Variants in SERPINE3 observed in about 807,000 individuals in gnomAD.
SERPINE3 encodes the protein serpin E3.
SERPINE3 carries 43 observed loss-of-function variants against 41.7 expected under a neutral mutation model. The observed-to-expected ratio is 1.03, with a 90% confidence interval of 0.81 to 1.33. The LOEUF is 1.33. Ranked by LOEUF, SERPINE3 falls within the 40% of genes most tolerant of loss-of-function variation. SERPINE3 has a pLI of 0.00. For missense variants in SERPINE3, 440 were observed against 491.7 expected (o/e 0.89, Z 0.99); for synonymous variants, 200 against 192.2 (o/e 1.04, Z -0.34).
chr13:51,357,519 G>A (rs1419538468), intron 7 of SERPINE3, among the ~76,000 whole-genome samples: 18 of 151,994 alleles, frequency 1.2e-4, no homozygotes, highest in Admixed American at 1.1e-3. Flanking sequence ...TGGCCTTTCG[G>A]TCCCAAAGCC....
chr13:51,347,002 C>G (rs1214180794), intron 4 of SERPINE3, 23 bp from the exon 5 acceptor site: 10 of 1,542,676 alleles, frequency 6.5e-6, no homozygotes, highest in Admixed American at 3.9e-5. Context: ...TAACCCATGG[C>G]CACCTTGCTT....
intron 6 of SERPINE3, among the ~76,000 whole-genome samples, chr13:51,353,402 C>A (rs12853862): frequency 0.19 from 29,014 of 152,014 alleles, 2,930 homozygotes; most frequent in East Asian, 0.27. Flanking sequence ...CTTTACAACC[C>A]TACAAACACG....
chr13:51,343,307 C>A (rs1431295761), intron 3 of SERPINE3, among the ~76,000 whole-genome samples: 1 of 152,184 alleles, frequency 6.6e-6, no homozygotes, highest in Non-Finnish European at 1.5e-5. Context: ...GGGGGCTTCA[C>A]TTCTGGAAAC....
intron 3 of SERPINE3, 68 bp downstream of exon 3, chr13:51,341,415 C>A: frequency 7.1e-7 from 1 of 1,416,116 alleles, no homozygotes; most frequent in Non-Finnish European, 9.6e-7. Flanking sequence ...TCCAGCTCAC[C>A]CTCCTGCTCA....
chr13:51,348,252 T>A lies in SERPINE3; in HGVS notation c.740T>A (p.Leu247Gln), dbSNP rs745866234. The A allele has an allele frequency of 6.2e-7, 1 of 1,604,964 alleles. No individual in the cohort carries two copies. The highest frequency in any genetic ancestry group is 1.7e-5 in the Admixed American group (1 of 59,008). The change falls in exon 6 of 10, where the codon CTG (leucine) becomes CAG (glutamine). Residue 247 changes from leucine (L) to glutamine (Q), a missense_variant. By Grantham distance (113) the Leu-to-Gln change is moderately radical (BLOSUM62 -2). Coordinates refer to ENST00000681248, the MANE Select transcript of SERPINE3 (RefSeq NM_001386375.1). The stretch of plus-strand genomic sequence containing the variant: ...ACTGCAGGCCATCAGGTGGGGGTGC[T>A]GGAGCTTCCTTACCTGGGAAGTGCA... ...QDTAGHQVGV[L>Q]ELPYLGSAVS...
rs369934291 is a variant in SERPINE3 at position 51,361,288 on chromosome 13, C to G, written c.1011C>G (p.Gly337=). 212 of 1,608,268 alleles carry G rather than the reference C, an allele frequency of 1.3e-4. No homozygotes were observed. The highest frequency in any genetic ancestry group is 1.7e-4 in the Non-Finnish European group (204 of 1,176,548). The part of the protein sequence containing the change: ...ANLKGISGQD[G]FYVSEAIHKA... The stretch of plus-strand genomic sequence containing the variant: ...ATTTTCTGTGGTTAGGCCAAGATGG[C>G]TTTTATGTTTCTGAAGCAATCCACA... Residue 337 remains glycine (G), a synonymous_variant, in exon 8 of 10, where the codon GGC becomes GGG. Transcript: ENST00000681248.
intron 8 of SERPINE3, chr13:51,361,582 T>G: frequency 1.7e-6 from 1 of 583,882 alleles, no homozygotes; most frequent in South Asian, 2.4e-5. Context: ...GAAAGTTACC[T>G]TCAATAAGGA....
chr13:51,349,972 A>G (rs953609211), intron 6 of SERPINE3, among the ~76,000 whole-genome samples: 20 of 152,224 alleles, frequency 1.3e-4, no homozygotes, highest in African/African-American at 4.6e-4. Flanking sequence ...CAAAACAAAA[A>G]AAGTAAAAAC....
chr13:51,348,302 C>G lies in SERPINE3; in HGVS notation c.790C>G (p.Arg264Gly), dbSNP rs771084357. ...AGTGAGTCTGTTCCTGGTGCTGCCC[C>G]GTGACAAAGACACCCCCCTGAGCCA... Reference protein sequence around the residue: ...SAVSLFLVLPRDKDTPLSHIE... With the variant: ...SAVSLFLVLPGDKDTPLSHIE... Residue 264 changes from arginine to glycine, a missense_variant, in exon 6 of 10, where the codon CGT (arginine) becomes GGT (glycine). Arg to Gly is a moderately radical substitution (Grantham distance 125, BLOSUM62 -2). Transcript: ENST00000681248. The G allele has an allele frequency of 6.2e-7, 1 of 1,612,898 alleles. No individual in the cohort carries two copies. Among genetic ancestry groups the G allele is most frequent in the African/African-American group, 1.3e-5 (1 of 74,858 alleles).
chr13:51,340,745 T>C, intron 1 of SERPINE3, 39 bp from the exon 2 acceptor site: 1 of 333,540 alleles, frequency 3.0e-6, no homozygotes. Flanking sequence ...CTCTTACATT[T>C]CTTTTCCCAA....
intron 3 of SERPINE3, among the ~76,000 whole-genome samples, chr13:51,343,033 T>C (rs1955309776): frequency 6.6e-6 from 1 of 152,138 alleles, no homozygotes; most frequent in Admixed American, 6.5e-5. Context: ...CTGGGGACCC[T>C]GGCCAGGGTG....
chr13:51,349,955 T>A (rs182263407), intron 6 of SERPINE3, among the ~76,000 whole-genome samples: 1 of 152,178 alleles, frequency 6.6e-6, no homozygotes, highest in Admixed American at 6.5e-5. Context: ...TTAAATCCTT[T>A]GGGGAACAAA....
chr13:51,355,159 C>T lies in SERPINE3; in HGVS notation c.1000+16C>T. On this transcript the variant is annotated intron_variant, in intron 7 of 9. Transcript: ENST00000681248. Reference sequence around the variant, plus strand: ...GGAATTTCAGGTAAAAACGGTTCTTCTTCCAAACGTTCTAGCCGTGTATTT... The same window carrying T: ...GGAATTTCAGGTAAAAACGGTTCTTTTTCCAAACGTTCTAGCCGTGTATTT... The T allele has an allele frequency of 4.6e-6, 6 of 1,308,398 alleles. No individual in the cohort carries two copies. Among genetic ancestry groups the T allele is most frequent in the Non-Finnish European group, 6.5e-6 (6 of 926,252 alleles). 81.0% of individuals were successfully genotyped at this position (1,308,398 alleles called of 1,614,324 possible).
At chr13:51,350,350 C>A (rs931429834) in intron 6 of SERPINE3, among the ~76,000 whole-genome samples, 2 of 152,074 alleles carry the variant, frequency 1.3e-5, no homozygotes, top group Admixed American at 1.3e-4. Context: ...AAGGAATAAT[C>A]AAGAAAACCA....
rs1261703848 is a variant in SERPINE3 at position 51,364,727 on chromosome 13, G to C, written c.*445G>C. The C allele has an allele frequency of 6.5e-6, 1 of 153,426 alleles. No homozygotes were observed. The highest frequency in any genetic ancestry group is 6.6e-5 in the Admixed American group (1 of 15,260). The allele number at this position is 153,426 out of a possible 1,614,324, so 9.5% of individuals were successfully genotyped here. ...AGCTTATAAATAAAACAGAGTTTAA[G>C]TGTGAGAACAGCAGAGCAGAACAAG... On this transcript the variant is annotated 3_prime_UTR_variant, in exon 10 of 10. Coordinates refer to ENST00000681248, the MANE Select transcript of SERPINE3 (RefSeq NM_001386375.1).
At chr13:51,351,150 T>C (rs1442759211) in intron 6 of SERPINE3, among the ~76,000 whole-genome samples, 1 of 152,194 alleles carries the variant, frequency 6.6e-6, no homozygotes, top group Non-Finnish European at 1.5e-5. Flanking sequence ...TTTTCAATTA[T>C]CTTGGATATA....
rs771084357 is a variant in SERPINE3 at position 51,348,302 on chromosome 13, C to T, written c.790C>T (p.Arg264Cys). 19 of 1,612,900 alleles carry T rather than the reference C, an allele frequency of 1.2e-5. No individual in the cohort carries two copies. The highest frequency in any genetic ancestry group is 3.3e-4 in the Middle Eastern group (2 of 6,084). The change falls in exon 6 of 10, where the codon CGT (arginine) becomes TGT (cysteine). Residue 264 changes from arginine (R) to cysteine (C), a missense_variant. By Grantham distance (180) the Arg-to-Cys change is radical (BLOSUM62 -3). Coordinates refer to ENST00000681248, the MANE Select transcript of SERPINE3 (RefSeq NM_001386375.1). ...AGTGAGTCTGTTCCTGGTGCTGCCC[C>T]GTGACAAAGACACCCCCCTGAGCCA... is the stretch of plus-strand genomic sequence containing the variant. Reference protein sequence around the residue: ...SAVSLFLVLPRDKDTPLSHIE... With the variant: ...SAVSLFLVLPCDKDTPLSHIE...
In SERPINE3 at chr13:51,347,224, G is replaced by C; in HGVS notation, c.690G>C (p.Glu230Asp). ...TCCCCATGATGCACCAAACGACCGA[G>C]GTCAACTACGGTGAGCTCTGCCCCT... is the stretch of plus-strand genomic sequence containing the variant. ...LQVPMMHQTT[E>D]VNYGQFQDTA... Residue 230 changes from glutamate (E) to aspartate (D), a missense_variant, in exon 5 of 10, where the codon GAG (glutamate) becomes GAC (aspartate). By Grantham distance (45) the Glu-to-Asp change is conservative. Coordinates refer to ENST00000681248, the MANE Select transcript of SERPINE3 (RefSeq NM_001386375.1). 6.2e-7 allele frequency: 1 copy of C among 1,613,514 alleles called. No homozygotes were observed. The highest frequency in any genetic ancestry group is 8.5e-7 in the Non-Finnish European group (1 of 1,179,684).
At position 51,346,060 on chromosome 13, in the gene SERPINE3, G is replaced by C. The variant is rs74087494; in HGVS notation, c.491-965G>C. ...TCTCTGAGCCTCAGTTCCCTCACCT[G>C]TGAAATAGGGAATAATAATAGAACT... On this transcript the variant is annotated intron_variant, in intron 4 of 9. Transcript: ENST00000681248. Among the ~76,000 whole-genome samples, 708 of 152,318 alleles carry C rather than the reference G, an allele frequency of 4.6e-3. 7 individuals are homozygous for C. Among genetic ancestry groups the C allele is most frequent in the African/African-American group, 0.016 (676 of 41,566 alleles).
Sources: gnomAD v4.1 joint callset for allele counts (sites outside exome capture counted in the v4.1 genomes callset) on GRCh38, gnomAD v4.1.1 for gene constraint, MANE v1.5 for transcripts, NCBI Gene and HGNC (gene_info 2026-07-23, HGNC 2026-07-21) for gene names.